TBC1D12: variants seen among roughly 807,000 people sequenced by gnomAD.
TBC1D12 encodes the protein TBC1 domain family, member 12.
TBC1D12 carries 56 observed loss-of-function variants against 86.7 expected under a neutral mutation model. The ratio of observed to expected loss-of-function variants is 0.65; its 90% CI spans 0.52 to 0.81. The LOEUF is 0.81. Among genes scored for constraint, TBC1D12 ranks in the 30% least tolerant of loss-of-function variants. The pLI, the probability that TBC1D12 is intolerant of heterozygous loss-of-function variation, is 0.00. For synonymous variants in TBC1D12, 421 were observed against 411.7 expected, an observed-to-expected ratio of 1.02 and a Z score of -0.27; for missense variants, 1,023 against 1,038.8, an observed-to-expected ratio of 0.98 and a Z score of 0.21.
chr10:94,457,071 G>T (rs868222729), intron 2 of TBC1D12, among the ~76,000 whole-genome samples: 1 of 152,070 alleles, frequency 6.6e-6, no homozygotes, highest in Non-Finnish European at 1.5e-5. Flanking sequence ...TTAAAGTGGG[G>T]TTTTTAAAAT....
chr10:94,434,603 G>C (rs1378962584), intron 1 of TBC1D12, among the ~76,000 whole-genome samples: 2 of 151,596 alleles, frequency 1.3e-5, no homozygotes, highest in Admixed American at 6.6e-5. Flanking sequence ...ATTACATGAT[G>C]TAATAAAAAC....
rs4918344 is a variant in TBC1D12, at chr10:94,502,193, G to A, written c.1519+1866G>A. On this transcript the variant is annotated intron_variant, in intron 6 of 12. Transcript: ENST00000225235. ...ACTAAAAATACAAAATTAGCTGGGCGTGGTGGCGCATGTCTGTAATCCCAG... is the reference window on the plus strand; with the variant it reads ...ACTAAAAATACAAAATTAGCTGGGCATGGTGGCGCATGTCTGTAATCCCAG... Among the ~76,000 whole-genome samples, 1,091 of 151,982 alleles carry A rather than the reference G, an allele frequency of 7.2e-3. 5 individuals are homozygous for A. The highest frequency in any genetic ancestry group is 0.027 in the Middle Eastern group (8 of 294).
chr10:94,445,082 C>T (rs534638997), intron 2 of TBC1D12, among the ~76,000 whole-genome samples: 1 of 147,316 alleles, frequency 6.8e-6, no homozygotes, highest in Non-Finnish European at 1.5e-5. Context: ...ATGAGTGGGC[C>T]GGGAGCGGTG....
rs114434154 is a variant in TBC1D12, at chr10:94,469,098, A to G, written c.1096-5570A>G. Among the ~76,000 whole-genome samples the G allele has an allele frequency of 3.0e-3, 452 of 152,342 alleles. 3 individuals carry two copies. Among genetic ancestry groups the G allele is most frequent in the African/African-American group, 0.01 (427 of 41,582 alleles). On this transcript the variant is annotated intron_variant, in intron 2 of 12. Coordinates refer to ENST00000225235, the MANE Select transcript of TBC1D12 (RefSeq NM_015188.2). Reference sequence around the variant, plus strand: ...TTATAAATAAGCCATAAAGGAGTCAAACTGATGCACAAGAAGCTTAACTTC... The same window carrying G: ...TTATAAATAAGCCATAAAGGAGTCAGACTGATGCACAAGAAGCTTAACTTC...
At position 94,463,239 on chromosome 10, in the gene TBC1D12, C is replaced by T. The variant is rs550256184; in HGVS notation, c.1096-11429C>T. On this transcript the variant is annotated intron_variant, in intron 2 of 12. Coordinates refer to ENST00000225235, the MANE Select transcript of TBC1D12 (RefSeq NM_015188.2). ...ATGGTCAGTGTCTCAGTCCATTTTC[C>T]GTTGCTTATAACAGAATATTGGAAA... Among the ~76,000 whole-genome samples, 88 of 152,192 alleles carry T rather than the reference C, an allele frequency of 5.8e-4. No homozygotes were observed. The South Asian group carries it at 9.1e-3, about 16-fold the overall frequency.
intron 9 of TBC1D12, among the ~76,000 whole-genome samples, chr10:94,520,422 A>C (rs949084377): frequency 6.6e-6 from 1 of 152,022 alleles, no homozygotes; most frequent in Non-Finnish European, 1.5e-5. Flanking sequence ...GTGGTGGCAC[A>C]TGCCTGTAAT....
chr10:94,440,164 C>T (rs945123), intron 1 of TBC1D12, among the ~76,000 whole-genome samples: 62,559 of 151,670 alleles, frequency 0.41, 13,355 homozygotes, highest in East Asian at 0.76. Flanking sequence ...GTGTTTATTT[C>T]CTTTTCCTTT....
At chr10:94,527,434 A>G (rs1443115766) in intron 11 of TBC1D12, among the ~76,000 whole-genome samples, 1 of 149,396 alleles carries the variant, frequency 6.7e-6, no homozygotes, top group Non-Finnish European at 1.5e-5. Flanking sequence ...TAAGTTCCTC[A>G]TAGATTTTGC....
chr10:94,436,201 A>G (rs2055293875), intron 1 of TBC1D12, among the ~76,000 whole-genome samples: 2 of 151,180 alleles, frequency 1.3e-5, no homozygotes, highest in African/African-American at 2.4e-5. Flanking sequence ...CAGTGATGCA[A>G]TCTCAGCTCA....
chr10:94,472,378 G>T lies in TBC1D12; in HGVS notation c.1096-2290G>T, dbSNP rs922456588. ...CTTCAGCAAATGAGTATACATCTTTGTGCCTCAGTTTTTCTCCACTGGGAG... is the reference window on the plus strand; with the variant it reads ...CTTCAGCAAATGAGTATACATCTTTTTGCCTCAGTTTTTCTCCACTGGGAG... On this transcript the variant is annotated intron_variant, in intron 2 of 12. Coordinates refer to ENST00000225235, the MANE Select transcript of TBC1D12 (RefSeq NM_015188.2). Among the ~76,000 whole-genome samples the T allele has an allele frequency of 6.6e-5, 10 of 152,172 alleles. 1 individual carries two copies. Among genetic ancestry groups the T allele is most frequent in the Admixed American group, 6.5e-4 (10 of 15,274 alleles).
At chr10:94,511,743 TG>T (rs2056531253) in intron 9 of TBC1D12, 89 bp downstream of exon 9, 10 of 887,854 alleles carry the variant, frequency 1.1e-5, no homozygotes, top group Non-Finnish European at 1.6e-5. Flanking sequence ...AGCTCCCAAA[TG>T]TCTGTATTTC....
In TBC1D12 at chr10:94,500,278, T is replaced by C; in HGVS notation, c.1470T>C (p.Arg490=). 1 of 1,614,024 alleles carries C rather than the reference T, an allele frequency of 6.2e-7. No homozygotes were observed. The highest frequency in any genetic ancestry group is 8.5e-7 in the Non-Finnish European group (1 of 1,179,960). Residue 490 remains arginine (R), a synonymous_variant, in exon 6 of 13, where the codon CGT becomes CGC. Transcript: ENST00000225235. ...LWWQGLPPSV[R]GKVWSLAVGN... ...GGCAGGGATTGCCCCCTAGTGTCCG[T>C]GGGAAAGTTTGGAGTCTAGCTGTAG...
At chr10:94,448,327 A>G (rs778036030) in intron 2 of TBC1D12, among the ~76,000 whole-genome samples, 12 of 152,178 alleles carry the variant, frequency 7.9e-5, no homozygotes, top group Non-Finnish European at 1.8e-4. Context: ...TTTTATTGGT[A>G]TGTGTAATAG....
At chr10:94,464,734 C>A (rs1049830666) in intron 2 of TBC1D12, among the ~76,000 whole-genome samples, 1 of 152,016 alleles carries the variant, frequency 6.6e-6, no homozygotes, top group Admixed American at 6.6e-5. Flanking sequence ...TACTATACCC[C>A]CAGTTAAAAC....
intron 1 of TBC1D12, among the ~76,000 whole-genome samples, chr10:94,425,177 G>T (rs1013177820): frequency 6.6e-6 from 1 of 152,186 alleles, no homozygotes; most frequent in African/African-American, 2.4e-5. Context: ...CATTTCCGGG[G>T]TTAGTAGAGG....
intron 4 of TBC1D12, among the ~76,000 whole-genome samples, chr10:94,496,533 G>A (rs988078994): frequency 6.6e-6 from 1 of 152,150 alleles, no homozygotes; most frequent in Non-Finnish European, 1.5e-5. Flanking sequence ...GGAAAAATGG[G>A]TATTGGTTAG....
intron 9 of TBC1D12, among the ~76,000 whole-genome samples, chr10:94,515,120 G>A (rs1172935598): frequency 1.1e-4 from 16 of 150,714 alleles, no homozygotes; most frequent in Non-Finnish European, 5.9e-5. Context: ...TTTTAGCCGG[G>A]ATGGTCTCGA....
chr10:94,460,834 T>G (rs941053734), intron 2 of TBC1D12, among the ~76,000 whole-genome samples: 1 of 152,176 alleles, frequency 6.6e-6, no homozygotes, highest in Non-Finnish European at 1.5e-5. Context: ...ATCCTCAAGT[T>G]CAGAGATTCT....
chr10:94,481,790 C>CTT (rs140902012), intron 3 of TBC1D12, among the ~76,000 whole-genome samples: 272 of 148,700 alleles, frequency 1.8e-3, no homozygotes, highest in African/African-American at 6.0e-3. Context: ...CCTATCTTGG[C>CTT]TTTTTTTTTT....
Sources: gnomAD v4.1 joint callset for allele counts (sites outside exome capture counted in the v4.1 genomes callset) on GRCh38, gnomAD v4.1.1 for gene constraint, MANE v1.5 for transcripts, NCBI Gene and HGNC (gene_info 2026-07-23, HGNC 2026-07-21) for gene names.